ZNF804A: variants seen among roughly 807,000 people sequenced by gnomAD.
ZNF804A encodes zinc finger protein 804A.
ZNF804A carries 2 observed loss-of-function variants against 16.5 expected under a neutral mutation model. The observed-to-expected ratio is 0.12, with a 90% confidence interval of 0.05 to 0.38. The LOEUF is 0.38. ZNF804A is among the 10% of genes least tolerant of loss of function. ZNF804A has a pLI of 0.99. For missense variants in ZNF804A, 1,473 were observed against 1,390.7 expected, an observed-to-expected ratio of 1.06 and a Z score of -0.94; for synonymous variants, 534 against 489.6, an observed-to-expected ratio of 1.09 and a Z score of -1.20.
chr2:184,857,621 A>G (rs1225773042), intron 1 of ZNF804A, among the ~76,000 whole-genome samples: 1 of 152,084 alleles, frequency 6.6e-6, no homozygotes, highest in African/African-American at 2.4e-5. Context: ...CTCTCCCCTC[A>G]GATATTTAAT....
intron 1 of ZNF804A, among the ~76,000 whole-genome samples, chr2:184,858,978 C>T (rs1197412336): frequency 6.6e-6 from 1 of 152,158 alleles, no homozygotes; most frequent in African/African-American, 2.4e-5. Flanking sequence ...AGTAATTCAT[C>T]CCACTGGCTC....
At chr2:184,935,724 G>C in intron 3 of ZNF804A, 59 bp from the exon 4 acceptor site, 1 of 1,480,326 alleles carries the variant, frequency 6.8e-7, no homozygotes, top group Non-Finnish European at 9.0e-7. Flanking sequence ...GAAAATATTT[G>C]ACTATTTTTT....
chr2:184,796,030 C>T (rs1558964191), intron 1 of ZNF804A, among the ~76,000 whole-genome samples: 1 of 151,982 alleles, frequency 6.6e-6, no homozygotes, highest in Non-Finnish European at 1.5e-5. Flanking sequence ...TATTGACTCG[C>T]ATATGTTATG....
At chr2:184,604,713 T>C (rs1218548328) in intron 1 of ZNF804A, among the ~76,000 whole-genome samples, 1 of 152,182 alleles carries the variant, frequency 6.6e-6, no homozygotes, top group Non-Finnish European at 1.5e-5. Context: ...TCCTGACCAT[T>C]GAAGGCACTT....
chr2:184,699,391 T>C lies in ZNF804A; in HGVS notation c.111+100321T>C, dbSNP rs545465176. On this transcript the variant is annotated intron_variant, in intron 1 of 3. Coordinates refer to ENST00000302277, the MANE Select transcript of ZNF804A (RefSeq NM_194250.2). ...AATATTTAGGCACCATTATGCATAA[T>C]GATGTATTGATTAGATAGAAAATTA... Among the ~76,000 whole-genome samples the C allele has an allele frequency of 4.3e-4, 65 of 152,240 alleles. No individual in the cohort carries two copies. The South Asian group carries it at 7.9e-3, about 18-fold the overall frequency.
At chr2:184,739,657 G>T (rs1693683894) in intron 1 of ZNF804A, among the ~76,000 whole-genome samples, 1 of 152,184 alleles carries the variant, frequency 6.6e-6, no homozygotes, top group Non-Finnish European at 1.5e-5. Context: ...CTCCCAAAGT[G>T]CTGGGATGAC....
chr2:184,777,914 G>A (rs1694313131), intron 1 of ZNF804A, among the ~76,000 whole-genome samples: 1 of 151,578 alleles, frequency 6.6e-6, no homozygotes, highest in African/African-American at 2.4e-5. Flanking sequence ...GCTAAATTAG[G>A]TGAGTATCAA....
Position 184,793,821 on chromosome 2 carries a change from G to A in ZNF804A, c.112-72548G>A, listed in dbSNP as rs1029699736. Among the ~76,000 whole-genome samples, 9 of 152,046 alleles carry A rather than the reference G, an allele frequency of 5.9e-5. No individual in the cohort carries two copies. The East Asian group carries it at 7.7e-4, about 13-fold the overall frequency. ...CCACTTATGAGTGAGAACATACAATGTTTGGTTTTCCATTCCTGAGTTACT... is the reference window on the plus strand; with the variant it reads ...CCACTTATGAGTGAGAACATACAATATTTGGTTTTCCATTCCTGAGTTACT... On this transcript the variant is annotated intron_variant, in intron 1 of 3. Coordinates refer to ENST00000302277, the MANE Select transcript of ZNF804A (RefSeq NM_194250.2).
chr2:184,604,671 C>T lies in ZNF804A; in HGVS notation c.111+5601C>T, dbSNP rs1332798196. Among the ~76,000 whole-genome samples, 3 of 152,260 alleles carry T rather than the reference C, an allele frequency of 2.0e-5. No homozygotes were observed. In the East Asian group the frequency reaches 5.8e-4, roughly 29 times the overall value. The stretch of plus-strand genomic sequence containing the variant: ...CCACTGTCTACGCTACATTCTGTTG[C>T]TATGTAGGCTATTCATTTACTTAGG... On this transcript the variant is annotated intron_variant, in intron 1 of 3. Transcript: ENST00000302277.
intron 2 of ZNF804A, among the ~76,000 whole-genome samples, chr2:184,881,283 T>A (rs892971589): frequency 1.3e-5 from 2 of 151,542 alleles, no homozygotes; most frequent in Non-Finnish European, 3.0e-5. Context: ...AGAAACCAAG[T>A]CTGTCACTCA....
intron 2 of ZNF804A, among the ~76,000 whole-genome samples, chr2:184,900,913 C>G (rs1448062051): frequency 6.6e-6 from 1 of 152,186 alleles, no homozygotes; most frequent in Non-Finnish European, 1.5e-5. Context: ...ATGACTCCCA[C>G]TTTTTCACTG....
intron 3 of ZNF804A, 22 bp downstream of exon 3, chr2:184,933,755 A>C: frequency 6.3e-7 from 1 of 1,586,776 alleles, no homozygotes; most frequent in African/African-American, 1.4e-5. Flanking sequence ...ATGAAATTGT[A>C]AGTTTTCTTA....
intron 1 of ZNF804A, among the ~76,000 whole-genome samples, chr2:184,739,737 T>G (rs923326981): frequency 2.0e-5 from 3 of 152,116 alleles, no homozygotes; most frequent in Non-Finnish European, 4.4e-5. Flanking sequence ...AGATATACAA[T>G]AGCTTACCTC....
chr2:184,672,954 G>A (rs1692360746), intron 1 of ZNF804A, among the ~76,000 whole-genome samples: 1 of 151,864 alleles, frequency 6.6e-6, no homozygotes, highest in Non-Finnish European at 1.5e-5. Flanking sequence ...ATTGACTATT[G>A]GCCAGGCTGG....
intron 1 of ZNF804A, among the ~76,000 whole-genome samples, chr2:184,664,220 A>G (rs1453985359): frequency 1.3e-5 from 2 of 152,176 alleles, no homozygotes; most frequent in African/African-American, 4.8e-5. Context: ...TTCATATATT[A>G]TAAAGCTTAA....
At chr2:184,850,822 G>T (rs1343783599) in intron 1 of ZNF804A, among the ~76,000 whole-genome samples, 1 of 151,508 alleles carries the variant, frequency 6.6e-6, no homozygotes, top group Non-Finnish European at 1.5e-5. Flanking sequence ...TTATATCTTT[G>T]CAATTTTAAC....
intron 1 of ZNF804A, among the ~76,000 whole-genome samples, chr2:184,736,740 T>C (rs1683294805): frequency 6.6e-6 from 1 of 152,210 alleles, no homozygotes; most frequent in Non-Finnish European, 1.5e-5. Context: ...ATATGTGTTC[T>C]AGTTTATTTG....
intron 1 of ZNF804A, among the ~76,000 whole-genome samples, chr2:184,679,738 G>A (rs1396426621): frequency 6.6e-6 from 1 of 152,152 alleles, no homozygotes; most frequent in African/African-American, 2.4e-5. Flanking sequence ...TTTGGGCCCC[G>A]ATGAGCATGG....
intron 1 of ZNF804A, among the ~76,000 whole-genome samples, chr2:184,607,170 A>G (rs1691160115): frequency 6.6e-6 from 1 of 152,232 alleles, no homozygotes; most frequent in Non-Finnish European, 1.5e-5. Flanking sequence ...ACCTCTATGT[A>G]AAATGGAGTT....
Sources: gnomAD v4.1 joint callset for allele counts (sites outside exome capture counted in the v4.1 genomes callset) on GRCh38, gnomAD v4.1.1 for gene constraint, MANE v1.5 for transcripts, NCBI Gene and HGNC (gene_info 2026-07-23, HGNC 2026-07-21) for gene names.